Variants in GSTCD observed in about 807,000 individuals in gnomAD.
GSTCD encodes the protein glutathione S-transferase C-terminal domain containing.
In GSTCD, 44 loss-of-function variants were observed where a neutral mutation model predicts 68.3. That is an observed-to-expected ratio of 0.64 (90% CI 0.51 to 0.83). The LOEUF (loss-of-function observed/expected upper bound fraction) is 0.83. Ranked by LOEUF, GSTCD falls within the 40% of genes least tolerant of loss-of-function variation. GSTCD has a pLI of 0.00. For synonymous variants in GSTCD, 273 were observed against 255.2 expected, an observed-to-expected ratio of 1.07 and a Z score of -0.67; for missense variants, 739 against 735.9, an observed-to-expected ratio of 1.00 and a Z score of -0.05.
At chr4:105,828,674 G>GTT (rs1723764856) in intron 8 of GSTCD, among the ~76,000 whole-genome samples, 1 of 152,138 alleles carries the variant, frequency 6.6e-6, no homozygotes, top group Non-Finnish European at 1.5e-5. Flanking sequence ...TAGAGGAGAA[G>GTT]GAAGATAAAA....
At chr4:105,732,260 G>A (rs1239124694) in intron 5 of GSTCD, among the ~76,000 whole-genome samples, 1 of 152,212 alleles carries the variant, frequency 6.6e-6, no homozygotes, top group Non-Finnish European at 1.5e-5. Flanking sequence ...AGTTTCAGAA[G>A]GAATGGTACC....
intron 5 of GSTCD, among the ~76,000 whole-genome samples, chr4:105,746,693 GTTA>G (rs1261969963): frequency 6.6e-6 from 1 of 151,958 alleles, no homozygotes; most frequent in Non-Finnish European, 1.5e-5. Context: ...TTTATGTGTA[GTTA>G]TTATTGTTGA....
chr4:105,838,314 A>G (rs979786153), intron 10 of GSTCD, among the ~76,000 whole-genome samples: 2 of 152,242 alleles, frequency 1.3e-5, no homozygotes, highest in Admixed American at 6.5e-5. Flanking sequence ...GAGAAACTAT[A>G]TATTTTCCAA....
At chr4:105,782,257 G>T (rs1473501871) in intron 5 of GSTCD, among the ~76,000 whole-genome samples, 1 of 152,196 alleles carries the variant, frequency 6.6e-6, no homozygotes, top group Non-Finnish European at 1.5e-5. Context: ...CAGCACTTTG[G>T]AAGGCCAAGG....
chr4:105,811,062 G>C (rs956649205), intron 5 of GSTCD, among the ~76,000 whole-genome samples: 1 of 152,124 alleles, frequency 6.6e-6, no homozygotes, highest in Admixed American at 6.6e-5. Context: ...TAATTAGATA[G>C]TAAAAACATT....
intron 5 of GSTCD, among the ~76,000 whole-genome samples, chr4:105,764,790 G>A (rs142221354): frequency 1.3e-5 from 2 of 152,268 alleles, no homozygotes; most frequent in African/African-American, 4.8e-5. Context: ...CTAACAATTA[G>A]CATCAGTGAT....
chr4:105,749,681 T>G (rs1390869428), intron 5 of GSTCD, among the ~76,000 whole-genome samples: 1 of 151,050 alleles, frequency 6.6e-6, no homozygotes, highest in African/African-American at 2.4e-5. Context: ...ATCATGGAAT[T>G]AAATATAAAA....
At chr4:105,804,377 A>G (rs1267054089) in intron 5 of GSTCD, among the ~76,000 whole-genome samples, 1 of 152,126 alleles carries the variant, frequency 6.6e-6, no homozygotes, top group East Asian at 1.9e-4. Flanking sequence ...TCTTCTAAAA[A>G]TTCTGGTGCT....
chr4:105,772,934 AC>A (rs1187800013), intron 5 of GSTCD, among the ~76,000 whole-genome samples: 1 of 152,204 alleles, frequency 6.6e-6, no homozygotes, highest in East Asian at 1.9e-4. Context: ...AAGGAATAGT[AC>A]CAGCTTCTCT....
intron 5 of GSTCD, among the ~76,000 whole-genome samples, chr4:105,774,678 C>T (rs1734984212): frequency 6.6e-6 from 1 of 152,134 alleles, no homozygotes. Flanking sequence ...GAATATTGGT[C>T]CCCACTCTCT....
chr4:105,747,744 G>A (rs1183021292), intron 5 of GSTCD, among the ~76,000 whole-genome samples: 1 of 151,674 alleles, frequency 6.6e-6, no homozygotes, highest in African/African-American at 2.4e-5. Flanking sequence ...AAAAATAATG[G>A]TCTCCTTTAA....
intron 3 of GSTCD, among the ~76,000 whole-genome samples, chr4:105,726,194 A>G (rs895881392): frequency 2.6e-5 from 4 of 152,216 alleles, no homozygotes; most frequent in Non-Finnish European, 5.9e-5. Context: ...ACTAGTCATA[A>G]TAAAAAGAAA....
chr4:105,833,445 A>C (rs1723982948), intron 8 of GSTCD, among the ~76,000 whole-genome samples: 1 of 151,854 alleles, frequency 6.6e-6, no homozygotes, highest in African/African-American at 2.4e-5. Context: ...CCTGGGCAAC[A>C]AGAGCAAAAC....
intron 5 of GSTCD, among the ~76,000 whole-genome samples, chr4:105,795,646 T>C (rs1193417435): frequency 6.6e-6 from 1 of 152,126 alleles, no homozygotes; most frequent in Non-Finnish European, 1.5e-5. Flanking sequence ...CTGGCAACAA[T>C]TGGCTAGATC....
intron 5 of GSTCD, among the ~76,000 whole-genome samples, chr4:105,768,403 A>T (rs1298678203): frequency 1.3e-5 from 2 of 152,056 alleles, no homozygotes; most frequent in Non-Finnish European, 2.9e-5. Flanking sequence ...TGTTGTTTTG[A>T]AAATTAGTTC....
At chr4:105,796,639 C>T (rs1349801487) in intron 5 of GSTCD, among the ~76,000 whole-genome samples, 6 of 152,024 alleles carry the variant, frequency 3.9e-5, no homozygotes, top group Admixed American at 6.6e-5. Context: ...CCAAATTGAT[C>T]ATATTTCTTT....
rs755222978 is a variant in GSTCD, at chr4:105,719,089, C to T, written c.456C>T (p.Leu152=). Residue 152 remains leucine (L), a synonymous_variant, in exon 3 of 12, where the codon CTC becomes CTT. Coordinates refer to ENST00000515279, the MANE Select transcript of GSTCD (RefSeq NM_001370181.1). ...GTCAGTGGACCAGGCTATGTGAACT[C>T]ACCATCCCTTTGGCTATTGAGAATT... The part of the protein sequence containing the change: ...EVSQWTRLCE[L]TIPLAIENFL... The T allele has an allele frequency of 1.6e-5, 26 of 1,613,842 alleles. No homozygotes were observed. In the South Asian group the frequency reaches 2.6e-4, roughly 16 times the overall value.
At chr4:105,814,115 G>A (rs1243824738) in intron 5 of GSTCD, among the ~76,000 whole-genome samples, 1 of 152,090 alleles carries the variant, frequency 6.6e-6, no homozygotes, top group Non-Finnish European at 1.5e-5. Flanking sequence ...CCCTACCTAG[G>A]CCCTAAACCA....
At chr4:105,750,561 A>G in intron 5 of GSTCD, among the ~76,000 whole-genome samples, 1 of 152,178 alleles carries the variant, frequency 6.6e-6, no homozygotes, top group Admixed American at 6.5e-5. Context: ...TTAAAATGGT[A>G]CAGCCACTCT....
Sources: gnomAD v4.1 joint callset for allele counts (sites outside exome capture counted in the v4.1 genomes callset) on GRCh38, gnomAD v4.1.1 for gene constraint, MANE v1.5 for transcripts, NCBI Gene and HGNC (gene_info 2026-07-23, HGNC 2026-07-21) for gene names.